LTBP3: variants seen among roughly 807,000 people sequenced by gnomAD.
LTBP3 encodes latent transforming growth factor beta binding protein 3.
LTBP3 carries 97 observed loss-of-function variants against 159.7 expected under a neutral mutation model. That is an observed-to-expected ratio of 0.61 (90% confidence interval 0.52 to 0.72). The LOEUF is 0.72. Ranked by LOEUF, LTBP3 falls within the 30% of genes least tolerant of loss-of-function variation. The pLI is 0.00. For missense variants in LTBP3, 1,584 were observed against 1,864.3 expected, an observed-to-expected ratio of 0.85 and a Z score of 2.77; for synonymous variants, 824 against 777.1, an observed-to-expected ratio of 1.06 and a Z score of -1.00.
At position 65,539,177 on chromosome 11, in the gene LTBP3, C is replaced by T; in HGVS notation, c.3815G>A (p.Arg1272His). ...NQRGLLCKSE[R>H]CVNTSGSFRC... ...GAAGGAGCCGCTGGTGTTCACGCAGCGCTCGCTCTTGCACAGCAGCCCGCG... is the reference window on the plus strand; with the variant it reads ...GAAGGAGCCGCTGGTGTTCACGCAGTGCTCGCTCTTGCACAGCAGCCCGCG... The change falls in exon 28 of 28, where the codon CGC becomes CAC. Residue 1272 changes from arginine to histidine, a missense_variant. Arg to His is a conservative substitution (Grantham distance 29). This residue lies in a region of LTBP3 where 514 missense variants were observed against 530.3 expected (regional missense o/e 0.97). Transcript: ENST00000301873. 1 of 1,513,266 alleles carries T rather than the reference C, an allele frequency of 6.6e-7. No homozygotes were observed. Among genetic ancestry groups the T allele is most frequent in the Non-Finnish European group, 8.9e-7 (1 of 1,126,696 alleles). 93.7% of individuals were successfully genotyped at this position (1,513,266 alleles called of 1,614,324 possible).
At position 65,539,532 on chromosome 11, in the gene LTBP3, A is replaced by G; in HGVS notation, c.3628+16T>C. The G allele has an allele frequency of 6.2e-7, 1 of 1,611,302 alleles. No individual in the cohort carries two copies. The highest frequency in any genetic ancestry group is 8.5e-7 in the Non-Finnish European group (1 of 1,178,726). On this transcript the variant is annotated intron_variant, in intron 26 of 27. Transcript: ENST00000301873. ...AGGCTACCAACCCCGCCACCGCCCG[A>G]CCCGGCAGCACTCACCTCTTGGGGG... is the stretch of plus-strand genomic sequence containing the variant.
chr11:65,546,332 G>A lies in LTBP3; in HGVS notation c.2353+110C>T. 7.7e-7 allele frequency: 1 copy of A among 1,299,832 alleles called. No homozygotes were observed. The highest frequency in any genetic ancestry group is 1.0e-6 in the Non-Finnish European group (1 of 980,662). 80.5% of individuals were successfully genotyped at this position (1,299,832 alleles called of 1,614,324 possible). On this transcript the variant is annotated intron_variant, in intron 16 of 27. Transcript: ENST00000301873. The surrounding 1 kb of genome is among the most constrained non-coding windows in gnomAD (Gnocchi z 4.0). ...AGAAAATGAGTGAGCAGAGTCACCT[G>A]GGGATGAATGAGCCACCTTCCACCC...
chr11:65,551,371 T>G (rs766090231), intron 10 of LTBP3, 31 bp downstream of exon 10: 1 of 1,608,794 alleles, frequency 6.2e-7, no homozygotes, highest in Admixed American at 1.7e-5. Context: ...ATTTAGCCCT[T>G]GAGGACTCAT....
intron 11 of LTBP3, 48 bp downstream of exon 11, chr11:65,551,078 A>G (rs1231053873): frequency 2.0e-6 from 3 of 1,473,930 alleles, no homozygotes; most frequent in Non-Finnish European, 1.8e-6. Context: ...AGAAAACTAA[A>G]GTGGGGGCGT....
chr11:65,546,944 G>A lies in LTBP3; in HGVS notation c.2108-24C>T. On this transcript the variant is annotated intron_variant, in intron 14 of 27. Coordinates refer to ENST00000301873, the MANE Select transcript of LTBP3 (RefSeq NM_001130144.3). The surrounding 1 kb of genome is among the most constrained non-coding windows in gnomAD (Gnocchi z 4.0). ...GTCTGCACGGGAGGGAGAAGGAAGAGGACCCATCTGGGGACAACGCGGGTG... is the reference window on the plus strand; with the variant it reads ...GTCTGCACGGGAGGGAGAAGGAAGAAGACCCATCTGGGGACAACGCGGGTG... The A allele has an allele frequency of 6.2e-7, 1 of 1,608,874 alleles. No homozygotes were observed. Among genetic ancestry groups the A allele is most frequent in the South Asian group, 1.1e-5 (1 of 91,088 alleles).
chr11:65,547,979 T>G lies in LTBP3; in HGVS notation c.1787A>C (p.Asp596Ala), dbSNP rs746874069. The G allele has an allele frequency of 6.2e-6, 10 of 1,613,572 alleles. No individual in the cohort carries two copies. Among genetic ancestry groups the G allele is most frequent in the Non-Finnish European group, 8.5e-6 (10 of 1,179,962 alleles). The change falls in exon 12 of 28, where the codon GAC (aspartate) becomes GCC (alanine). Residue 596 changes from aspartate (D) to alanine (A), a missense_variant. By Grantham distance (126) the Asp-to-Ala change is moderately radical (BLOSUM62 -2). Transcript: ENST00000301873. The surrounding 1 kb of genome is among the most constrained non-coding windows in gnomAD (Gnocchi z 4.6). ...GHGECVPGPP[D>A]YSCHCNPGYR... The stretch of plus-strand genomic sequence containing the variant: ...GCCGGGGTTGCAGTGGCAGGAGTAG[T>G]CAGGGGGGCCCGGCACGCACTCTCC...
intron 11 of LTBP3, chr11:65,548,398 T>A (rs1021780674): frequency 2.2e-5 from 12 of 542,318 alleles, no homozygotes; most frequent in Non-Finnish European, 3.3e-5. Flanking sequence ...AAAACTCCTT[T>A]CTCCCCAGTC....
At position 65,539,368 on chromosome 11, in the gene LTBP3, G is replaced by GGGACACTCGCACACGGCGCCGCCC. The variant is rs1855952690; in HGVS notation, c.3696_3719dup (p.Ala1235_Gly1242dup). The stretch of plus-strand genomic sequence containing the variant: ...GGGAGGCGTCGAGCTGGAAGCCGCC[G>GGGACACTCGCACACGGCGCCGCCC]GGACACTCGCACACGGCGCCGCCCG... On this transcript the variant is annotated inframe_insertion, in exon 27 of 28. Transcript: ENST00000301873. 6.7e-7 allele frequency: 1 copy of GGGACACTCGCACACGGCGCCGCCC among 1,502,872 alleles called. No individual in the cohort carries two copies. Among genetic ancestry groups the GGGACACTCGCACACGGCGCCGCCC allele is most frequent in the Admixed American group, 2.0e-5 (1 of 49,252 alleles). 93.1% of individuals were successfully genotyped at this position (1,502,872 alleles called of 1,614,324 possible).
Position 65,539,060 on chromosome 11 carries a change from C to G in LTBP3, c.*20G>C. The G allele has an allele frequency of 7.4e-7, 1 of 1,360,002 alleles. No individual in the cohort carries two copies. The highest frequency in any genetic ancestry group is 9.4e-7 in the Non-Finnish European group (1 of 1,058,396). The allele number at this position is 1,360,002 out of a possible 1,614,324, so 84.2% of individuals were successfully genotyped here. On this transcript the variant is annotated 3_prime_UTR_variant, in exon 28 of 28. Transcript: ENST00000301873. ...CCTCAGTGATCACCGAGGTCTGGGC[C>G]GAGGGCGGCGTCGGCGGCGTCAGCG...
chr11:65,550,349 T>C (rs1590778963), intron 11 of LTBP3, among the ~76,000 whole-genome samples: 1 of 149,388 alleles, frequency 6.7e-6, no homozygotes, highest in Non-Finnish European at 1.5e-5. Flanking sequence ...GAGGTGGAGC[T>C]TGCAGTGAGC....
chr11:65,550,462 G>A (rs1856562831), intron 11 of LTBP3, among the ~76,000 whole-genome samples: 1 of 151,670 alleles, frequency 6.6e-6, no homozygotes, highest in Non-Finnish European at 1.5e-5. Flanking sequence ...CAGAGTAGAA[G>A]GAAGGAGTTC....
In LTBP3 at chr11:65,557,792, C is replaced by A; in HGVS notation, c.168G>T (p.Ala56=). ...CCACCTTGAAGCGCTCGCGGGCCAG[C>A]GCCCCGCCCCCGCCTGCGCCCCGCT... is the stretch of plus-strand genomic sequence containing the variant. The part of the protein sequence containing the change: ...AGERGAGGGG[A]LARERFKVVF... Residue 56 remains alanine (A), a synonymous_variant, in exon 1 of 28, where the codon GCG becomes GCT. Coordinates refer to ENST00000301873, the MANE Select transcript of LTBP3 (RefSeq NM_001130144.3). 6.3e-7 allele frequency: 1 copy of A among 1,579,606 alleles called. No homozygotes were observed. Among genetic ancestry groups the A allele is most frequent in the Admixed American group, 1.7e-5 (1 of 57,568 alleles).
chr11:65,553,186 C>T lies in LTBP3; in HGVS notation c.1041G>A (p.Arg347=). The change falls in exon 5 of 28, where the codon AGG becomes AGA. Residue 347 remains arginine (R), a synonymous_variant. Transcript: ENST00000301873. The surrounding 1 kb of genome is among the most constrained non-coding windows in gnomAD (Gnocchi z 6.5). ...VGADCPQGYK[R]LNSTHCQDIN... is the part of the protein sequence containing the mutation. Reference sequence around the variant, plus strand: ...TACCCTGGCAGTGGGTGCTGTTAAGCCTCTTGTAGCCCTGGGGACAGTCAG... The same window carrying T: ...TACCCTGGCAGTGGGTGCTGTTAAGTCTCTTGTAGCCCTGGGGACAGTCAG... 1 of 1,614,154 alleles carries T rather than the reference C, an allele frequency of 6.2e-7. No individual in the cohort carries two copies.
Position 65,543,234 on chromosome 11 carries a change from A to G in LTBP3, c.2477-10T>C, listed in dbSNP as rs751364424. ...TCACACTCATCAATGTCTGTAGGGG[A>G]TGGAAGGGGTGGAGAATCTCAGGGG... On this transcript the variant is annotated splice_polypyrimidine_tract_variant and intron_variant, in intron 17 of 27. Transcript: ENST00000301873. 1 of 1,613,834 alleles carries G rather than the reference A, an allele frequency of 6.2e-7. No individual in the cohort carries two copies. Among genetic ancestry groups the G allele is most frequent in the African/African-American group, 1.3e-5 (1 of 74,874 alleles).
rs373149652 is a variant in LTBP3, at chr11:65,551,492, A to G, written c.1549-18T>C. 4.3e-6 allele frequency: 7 copies of G among 1,613,926 alleles called. No individual in the cohort carries two copies. In the East Asian group the frequency reaches 6.7e-5, roughly 15 times the overall value. On this transcript the variant is annotated intron_variant, in intron 9 of 27. Coordinates refer to ENST00000301873, the MANE Select transcript of LTBP3 (RefSeq NM_001130144.3). ...CTCACCGGCTGCGGGTGACAGCAGC[A>G]TGAGCCCTCCTGTCCCTCGCCTGCC...
In LTBP3 at chr11:65,554,270, C is replaced by T. The variant is rs377561045; in HGVS notation, c.442G>A (p.Gly148Ser). ...RFCQVPAGGA[G>S]GGTGGSGPGL... The stretch of plus-strand genomic sequence containing the variant: ...GGGCCTGAGCCGCCGGTACCCCCAC[C>T]GGCTCCTCCTGCGGGCACCTGGCAG... The change falls in exon 2 of 28, where the codon GGT (glycine) becomes AGT (serine). Residue 148 changes from glycine to serine, a missense_variant. Coordinates refer to ENST00000301873, the MANE Select transcript of LTBP3 (RefSeq NM_001130144.3). The surrounding 1 kb of genome is among the most constrained non-coding windows in gnomAD (Gnocchi z 5.3). The T allele has an allele frequency of 6.2e-6, 10 of 1,610,642 alleles. No homozygotes were observed. Among genetic ancestry groups the T allele is most frequent in the Middle Eastern group, 1.7e-4 (1 of 6,020 alleles).
At chr11:65,555,560 A>C (rs1856778500) in intron 1 of LTBP3, among the ~76,000 whole-genome samples, 1 of 152,068 alleles carries the variant, frequency 6.6e-6, no homozygotes, top group African/African-American at 2.4e-5. Context: ...CTGCTTGGCT[A>C]TGTTCTTGTC....
rs1377361156 is a variant in LTBP3 at position 65,540,069 on chromosome 11, G to A, written c.3329C>T (p.Pro1110Leu). 2 of 1,524,390 alleles carry A rather than the reference G, an allele frequency of 1.3e-6. No individual in the cohort carries two copies. Among genetic ancestry groups the A allele is most frequent in the Non-Finnish European group, 1.8e-6 (2 of 1,141,348 alleles). The allele number at this position is 1,524,390 out of a possible 1,614,324, so 94.4% of individuals were successfully genotyped here. A position where few individuals can be genotyped will look rare whatever the true frequency, so the allele number is the denominator to read the frequency against. ...GCCGGAGGGCCCGGGCACCCAGGGC[G>A]GGCGACACTCGCAGCGGTAGGAGCC... is the stretch of plus-strand genomic sequence containing the variant. The part of the protein sequence containing the change: ...LPGSYRCECR[P>L]PWVPGPSGRD... Residue 1110 changes from proline to leucine, a missense_variant, in exon 24 of 28, where the codon CCG (proline) becomes CTG (leucine). Physicochemically the swap from Pro to Leu is moderately conservative, Grantham distance 98. Transcript: ENST00000301873.
At chr11:65,548,638 A>C (rs1590776113) in intron 11 of LTBP3, 3 of 162,370 alleles carry the variant, frequency 1.8e-5, no homozygotes, top group Non-Finnish European at 4.1e-5. Flanking sequence ...CAAGCCCAGG[A>C]CTCCCTGCCT....
Sources: allele counts gnomAD v4.1 joint callset (sites outside exome capture counted in the v4.1 genomes callset), GRCh38; gene constraint gnomAD v4.1.1; regional missense constraint gnomAD v4.1.1; non-coding constraint Gnocchi (gnomAD v3.1); transcripts MANE v1.5; gene names NCBI Gene and HGNC (gene_info 2026-07-23, HGNC 2026-07-21).